The following PTPRQ variants were observed in gnomAD, a reference collection of about 807,000 sequenced individuals.
PTPRQ encodes phosphatidylinositol phosphatase PTPRQ.
In PTPRQ, 199 loss-of-function variants were observed where a neutral mutation model predicts 246.0. The ratio of observed to expected loss-of-function variants is 0.81; its 90% CI spans 0.72 to 0.91. PTPRQ has a LOEUF of 0.91. PTPRQ is among the 40% of genes least tolerant of loss of function. The pLI is 0.00. For missense variants in PTPRQ, 2,624 were observed against 2,528.4 expected (o/e 1.04, Z -0.81); for synonymous variants, 869 against 853.2 (o/e 1.02, Z -0.32).
chr12:80,449,386 C>T (rs995310200), intron 3 of PTPRQ, among the ~76,000 whole-genome samples: 16 of 152,088 alleles, frequency 1.1e-4, no homozygotes, highest in African/African-American at 3.9e-4. Context: ...TTAATGAGAT[C>T]CCATTTGTCA....
intron 43 of PTPRQ, 76 bp downstream of exon 43, chr12:80,673,380 G>A: frequency 6.7e-7 from 1 of 1,503,430 alleles, no homozygotes; most frequent in Admixed American, 2.3e-5. Context: ...CAGCAATCTG[G>A]ATGGACATGA....
At chr12:80,597,807 C>G (rs1383326751) in intron 26 of PTPRQ, among the ~76,000 whole-genome samples, 1 of 151,984 alleles carries the variant, frequency 6.6e-6, no homozygotes, top group East Asian at 1.9e-4. Context: ...GGTAGTGCCT[C>G]AGAAACTGCT....
intron 8 of PTPRQ, among the ~76,000 whole-genome samples, chr12:80,479,443 C>A (rs527668627): frequency 6.6e-6 from 1 of 150,958 alleles, no homozygotes; most frequent in Non-Finnish European, 1.5e-5. Context: ...TAAAGACCAT[C>A]GAGACTAGGA....
At chr12:80,591,274 C>G (rs570886564) in intron 26 of PTPRQ, among the ~76,000 whole-genome samples, 2 of 151,848 alleles carry the variant, frequency 1.3e-5, no homozygotes, top group East Asian at 1.9e-4. Flanking sequence ...TACAGGCACA[C>G]GCCACTGTGA....
At chr12:80,633,552 T>TA (rs1415520425) in intron 34 of PTPRQ, among the ~76,000 whole-genome samples, 1 of 152,248 alleles carries the variant, frequency 6.6e-6, no homozygotes, top group African/African-American at 2.4e-5. Flanking sequence ...ATTTCCTAAA[T>TA]AGTTCAATAG....
chr12:80,623,644 T>C (rs1244257020), intron 33 of PTPRQ, among the ~76,000 whole-genome samples: 1 of 152,196 alleles, frequency 6.6e-6, no homozygotes, highest in Non-Finnish European at 1.5e-5. Context: ...ACAAGATAGA[T>C]AACCCATGTG....
At chr12:80,458,769 T>A (rs1565717643) in intron 4 of PTPRQ, among the ~76,000 whole-genome samples, 1 of 152,054 alleles carries the variant, frequency 6.6e-6, no homozygotes, top group Non-Finnish European at 1.5e-5. Context: ...TAATAATTGA[T>A]AGAAAAGCAT....
chr12:80,516,952 A>T (rs1446026389), intron 17 of PTPRQ, among the ~76,000 whole-genome samples: 2 of 152,194 alleles, frequency 1.3e-5, no homozygotes, highest in African/African-American at 2.4e-5. Flanking sequence ...TGGGAAGATG[A>T]AAGAAAGAAA....
chr12:80,563,321 G>C (rs546011283), intron 25 of PTPRQ, among the ~76,000 whole-genome samples: 1 of 152,028 alleles, frequency 6.6e-6, no homozygotes, highest in African/African-American at 2.4e-5. Context: ...GGATGAGGCA[G>C]CACTCTGCAG....
Position 80,515,266 on chromosome 12 carries a change from T to A in PTPRQ, c.2678+4823T>A, listed in dbSNP as rs1355131369. Among the ~76,000 whole-genome samples the A allele has an allele frequency of 3.3e-5, 5 of 152,250 alleles. No individual in the cohort carries two copies. In the East Asian group the frequency reaches 9.7e-4, roughly 29 times the overall value. On this transcript the variant is annotated intron_variant, in intron 17 of 44. Transcript: ENST00000644991. ...GAATCTTGGCTCTGACACTCAGTTATCTTTGGTTCCTGTAAAGTACTTAAT... is the reference window on the plus strand; with the variant it reads ...GAATCTTGGCTCTGACACTCAGTTAACTTTGGTTCCTGTAAAGTACTTAAT...
intron 35 of PTPRQ, among the ~76,000 whole-genome samples, chr12:80,647,207 T>C (rs1406473066): frequency 1.3e-5 from 2 of 152,210 alleles, no homozygotes; most frequent in African/African-American, 2.4e-5. Flanking sequence ...AGCCTGTCAC[T>C]AAATCATATA....
At chr12:80,511,515 G>A (rs1895128123) in intron 17 of PTPRQ, among the ~76,000 whole-genome samples, 1 of 152,120 alleles carries the variant, frequency 6.6e-6, no homozygotes, top group Non-Finnish European at 1.5e-5. Flanking sequence ...TTGCCCTCAA[G>A]AGTGTTGTAT....
chr12:80,493,566 G>T (rs1894518388), intron 10 of PTPRQ, 111 bp downstream of exon 10: 3 of 1,363,840 alleles, frequency 2.2e-6, no homozygotes, highest in Non-Finnish European at 2.8e-6. Flanking sequence ...TCTTTGGGCT[G>T]GAGTCGGATT....
chr12:80,454,883 A>G (rs1316862871), intron 3 of PTPRQ, among the ~76,000 whole-genome samples: 1 of 152,246 alleles, frequency 6.6e-6, no homozygotes, highest in Non-Finnish European at 1.5e-5. Flanking sequence ...GCTTTTAAAA[A>G]CAGATAGCTT....
intron 8 of PTPRQ, among the ~76,000 whole-genome samples, chr12:80,482,727 A>T (rs1894115174): frequency 6.6e-6 from 1 of 151,464 alleles, no homozygotes; most frequent in African/African-American, 2.4e-5. Context: ...ACATGAACAG[A>T]CACTTCTCAA....
At chr12:80,462,588 G>T (rs1216342527) in intron 6 of PTPRQ, 1 of 150,482 alleles carries the variant, frequency 6.6e-6, no homozygotes, top group African/African-American at 2.5e-5. Context: ...ACCCCTGACC[G>T]CCGAGCAGCC....
At chr12:80,657,244 A>G (rs1470717124) in intron 38 of PTPRQ, among the ~76,000 whole-genome samples, 1 of 151,864 alleles carries the variant, frequency 6.6e-6, no homozygotes, top group East Asian at 1.9e-4. Flanking sequence ...AACATAAGGA[A>G]AGAAGCTCAG....
At chr12:80,659,902 A>G (rs1900572792) in intron 39 of PTPRQ, among the ~76,000 whole-genome samples, 1 of 152,038 alleles carries the variant, frequency 6.6e-6, no homozygotes, top group African/African-American at 2.4e-5. Flanking sequence ...CTGGCAGTGT[A>G]CTGTAGCACT....
intron 26 of PTPRQ, among the ~76,000 whole-genome samples, chr12:80,602,385 T>G (rs555012557): frequency 3.9e-5 from 6 of 151,914 alleles, no homozygotes; most frequent in African/African-American, 1.2e-4. Flanking sequence ...ACTATTAATC[T>G]CTTAGTCTGT....
Sources: gnomAD v4.1 joint callset for allele counts (sites outside exome capture counted in the v4.1 genomes callset) on GRCh38, gnomAD v4.1.1 for gene constraint, MANE v1.5 for transcripts, NCBI Gene and HGNC (gene_info 2026-07-23, HGNC 2026-07-21) for gene names.